CALN1: variants seen among roughly 807,000 people sequenced by gnomAD.
The protein encoded by CALN1 is calneuron 1.
Under a neutral mutation model 30.6 loss-of-function variants are expected in CALN1, and 17 were observed. The ratio of observed to expected loss-of-function variants is 0.56; its 90% CI spans 0.38 to 0.83. The LOEUF (loss-of-function observed/expected upper bound fraction) is 0.83. Among genes scored for constraint, CALN1 ranks in the 40% least tolerant of loss-of-function variants. CALN1 has a pLI of 0.00. For missense variants in CALN1, 291 were observed against 354.9 expected (o/e 0.82, Z 1.45); for synonymous variants, 156 against 131.4 (o/e 1.19, Z -1.28).
chr7:72,491,235 A>C, the CALN1 span, among the ~76,000 whole-genome samples: 35,085 of 150,222 alleles, frequency 0.23, 4,743 homozygotes, highest in Non-Finnish European at 0.31. Flanking sequence ...TCAAAAAAAA[A>C]AAAAACAAAA....
At chr7:71,934,025 C>A (rs1288839235) in intron 5 of CALN1, among the ~76,000 whole-genome samples, 1 of 152,174 alleles carries the variant, frequency 6.6e-6, no homozygotes, top group African/African-American at 2.4e-5. Context: ...TAGGTTCACT[C>A]TTTACAGAAC....
chr7:72,362,140 T>C (rs571601828), intron 2 of CALN1, among the ~76,000 whole-genome samples: 1 of 152,282 alleles, frequency 6.6e-6, no homozygotes, highest in South Asian at 2.1e-4. Context: ...CTTAAGTATG[T>C]TAATTTTGAG....
At chr7:72,351,528 T>C (rs1802915772) in intron 2 of CALN1, among the ~76,000 whole-genome samples, 3 of 152,314 alleles carry the variant, frequency 2.0e-5, no homozygotes, top group Non-Finnish European at 4.4e-5. Context: ...AAGACATGTA[T>C]AAGTAAAACA....
At chr7:72,257,731 G>A (rs2129552553) in intron 3 of CALN1, among the ~76,000 whole-genome samples, 1 of 152,302 alleles carries the variant, frequency 6.6e-6, no homozygotes, top group Non-Finnish European at 1.5e-5. Context: ...CAACCAACGA[G>A]TGGATAAAGA....
chr7:72,211,551 C>G (rs577595009), intron 3 of CALN1, among the ~76,000 whole-genome samples: 1 of 152,242 alleles, frequency 6.6e-6, no homozygotes, highest in East Asian at 1.9e-4. Context: ...TGATGATGAT[C>G]CAAGAAACGA....
In CALN1 at chr7:71,797,710, T is replaced by C. The variant is rs180698791; in HGVS notation, c.659-9808A>G. Among the ~76,000 whole-genome samples, 71 of 152,294 alleles carry C rather than the reference T, an allele frequency of 4.7e-4. 1 individual carries two copies. In the East Asian group the frequency reaches 0.012, roughly 26 times the overall value. On this transcript the variant is annotated intron_variant, in intron 6 of 6. Transcript: ENST00000395275. ...GGTCCTACAATGAACTCTGGTGCAG[T>C]AGCCAGGCATTGTTTTTGTCTCTCT...
chr7:71,892,209 T>G (rs1244419827), intron 5 of CALN1, among the ~76,000 whole-genome samples: 1 of 152,252 alleles, frequency 6.6e-6, no homozygotes, highest in Non-Finnish European at 1.5e-5. Flanking sequence ...TGCTAATTTA[T>G]ATTTCTTTTA....
At chr7:72,069,790 C>T (rs777538247) in intron 4 of CALN1, among the ~76,000 whole-genome samples, 5 of 152,162 alleles carry the variant, frequency 3.3e-5, no homozygotes, top group Non-Finnish European at 5.9e-5. Flanking sequence ...TACCCCTACC[C>T]AATCTCCCTC....
intron 5 of CALN1, among the ~76,000 whole-genome samples, chr7:71,916,945 T>A (rs941872489): frequency 6.6e-6 from 1 of 152,172 alleles, no homozygotes; most frequent in Non-Finnish European, 1.5e-5. Flanking sequence ...GGGGTTTTTA[T>A]CAGACTGTGA....
chr7:72,440,257 C>T (rs539162741), intron 1 of CALN1, among the ~76,000 whole-genome samples: 13 of 152,266 alleles, frequency 8.5e-5, no homozygotes, highest in Middle Eastern at 6.8e-3. Context: ...ACCCAGAATA[C>T]CCAAAACCCA....
chr7:72,260,692 A>G (rs1358814389), intron 3 of CALN1, among the ~76,000 whole-genome samples: 1 of 152,064 alleles, frequency 6.6e-6, no homozygotes, highest in Non-Finnish European at 1.5e-5. Context: ...TGGCTAAGCC[A>G]TTGCACTTGG....
chr7:72,492,135 C>T, the CALN1 span, among the ~76,000 whole-genome samples: 22,448 of 152,126 alleles, frequency 0.15, 1,807 homozygotes, highest in African/African-American at 0.18. Context: ...CAGAGGTAGC[C>T]GACAGGTAAG....
chr7:71,932,157 C>T (rs1198645028), intron 5 of CALN1, among the ~76,000 whole-genome samples: 1 of 152,160 alleles, frequency 6.6e-6, no homozygotes, highest in Admixed American at 6.5e-5. Flanking sequence ...GACCTTCCAA[C>T]AATGCTGTGA....
intron 5 of CALN1, among the ~76,000 whole-genome samples, chr7:71,992,419 C>T (rs754846672): frequency 6.6e-6 from 1 of 152,136 alleles, no homozygotes; most frequent in Admixed American, 6.5e-5. Flanking sequence ...TGCAGTGGTG[C>T]AATCATGGCT....
chr7:72,471,500 T>C, the CALN1 span, among the ~76,000 whole-genome samples: 1 of 152,246 alleles, frequency 6.6e-6, no homozygotes, highest in Admixed American at 6.5e-5. Flanking sequence ...GTGCTGGTGC[T>C]GGAAGCAGGG....
At chr7:72,370,652 G>A (rs367600176) in intron 2 of CALN1, among the ~76,000 whole-genome samples, 28 of 133,312 alleles carry the variant, frequency 2.1e-4, no homozygotes, top group African/African-American at 6.6e-4. Flanking sequence ...GCGAGACTCC[G>A]TCTCAAAAAA....
the CALN1 span, among the ~76,000 whole-genome samples, chr7:72,484,544 G>A: frequency 3.3e-5 from 5 of 149,606 alleles, no homozygotes; most frequent in Non-Finnish European, 7.4e-5. Context: ...GCCCGCCCCC[G>A]CGTAGTTTCC....
intron 3 of CALN1, among the ~76,000 whole-genome samples, chr7:72,268,970 C>A (rs543664053): frequency 6.6e-6 from 1 of 152,284 alleles, no homozygotes; most frequent in African/African-American, 2.4e-5. Flanking sequence ...ACAGGCAGCA[C>A]AAGATTACAA....
At chr7:71,834,287 TA>T (rs1789477372) in intron 5 of CALN1, among the ~76,000 whole-genome samples, 1 of 58,980 alleles carries the variant, frequency 1.7e-5, no homozygotes, top group Non-Finnish European at 3.3e-5. Flanking sequence ...TGACACAGAG[TA>T]AAAAGGAAGT....
Sources: gnomAD v4.1 joint callset for allele counts (sites outside exome capture counted in the v4.1 genomes callset) on GRCh38, gnomAD v4.1.1 for gene constraint, MANE v1.5 for transcripts, NCBI Gene and HGNC (gene_info 2026-07-23, HGNC 2026-07-21) for gene names.